The following PRKCB variants were observed in gnomAD, a reference collection of about 807,000 sequenced individuals.
The protein encoded by PRKCB is protein kinase C beta type.
A neutral mutation model predicts 81.5 loss-of-function variants in PRKCB; 13 were observed. The ratio of observed to expected loss-of-function variants is 0.16; its 90% confidence interval spans 0.10 to 0.25. The LOEUF is 0.25. PRKCB is among the 10% of genes least tolerant of loss of function. The probability of loss-of-function intolerance (pLI) is 1.00; values close to 1 mark genes in which losing one functional copy is unlikely to be tolerated. For missense variants in PRKCB, 509 were observed against 875.7 expected (o/e 0.58, Z 5.29); for synonymous variants, 335 against 321.4 (o/e 1.04, Z -0.45).
chr16:23,848,756 G>A (rs552372966), intron 2 of PRKCB, among the ~76,000 whole-genome samples: 2 of 152,222 alleles, frequency 1.3e-5, no homozygotes, highest in East Asian at 1.9e-4. Context: ...TAACCTCTTC[G>A]AGCTTCTGTT....
intron 2 of PRKCB, among the ~76,000 whole-genome samples, chr16:23,967,186 G>T (rs982667768): frequency 2.0e-5 from 3 of 152,158 alleles, no homozygotes; most frequent in African/African-American, 7.2e-5. Flanking sequence ...TCCCTCTCCT[G>T]CGTGGAGGTT....
At chr16:23,961,550 G>A (rs1289560577) in intron 2 of PRKCB, among the ~76,000 whole-genome samples, 1 of 152,176 alleles carries the variant, frequency 6.6e-6, no homozygotes, top group Non-Finnish European at 1.5e-5. Context: ...TTTCCTTAGA[G>A]TCCCACTGTA....
chr16:23,920,676 A>C (rs1049494449), intron 2 of PRKCB, among the ~76,000 whole-genome samples: 1 of 151,942 alleles, frequency 6.6e-6, no homozygotes, highest in African/African-American at 2.4e-5. Flanking sequence ...TCTTGGGGAG[A>C]AGAGTGGGTG....
chr16:24,156,513 G>C (rs1479638925), intron 10 of PRKCB, among the ~76,000 whole-genome samples: 3 of 152,240 alleles, frequency 2.0e-5, no homozygotes, highest in East Asian at 1.9e-4. Context: ...GGACTCAAGT[G>C]ATTCACCTGC....
At chr16:24,149,071 G>T (rs948560456) in intron 9 of PRKCB, among the ~76,000 whole-genome samples, 7 of 152,204 alleles carry the variant, frequency 4.6e-5, no homozygotes, top group Admixed American at 2.6e-4. Context: ...ACCTGGGGCT[G>T]CCTGGTCATC....
chr16:24,220,303 A>G lies in PRKCB; in HGVS notation c.*5487A>G. ...CTACATTTGAAAATGTTTAGTTTAG[A>G]ATAAGCGCATTATCCAATTATAGAG... On this transcript the variant is annotated 3_prime_UTR_variant, in exon 17 of 17. Coordinates refer to ENST00000643927, the MANE Select transcript of PRKCB (RefSeq NM_002738.7). The G allele has an allele frequency of 1.6e-6, 1 of 640,406 alleles. No homozygotes were observed. The highest frequency in any genetic ancestry group is 2.5e-6 in the Non-Finnish European group (1 of 400,534). 39.7% of individuals were successfully genotyped at this position (640,406 alleles called of 1,614,324 possible).
At chr16:23,947,218 C>A (rs1427074562) in intron 2 of PRKCB, among the ~76,000 whole-genome samples, 1 of 152,202 alleles carries the variant, frequency 6.6e-6, no homozygotes. Context: ...TGGGGTCCTG[C>A]AGCTTCAACT....
At position 24,023,569 on chromosome 16, in the gene PRKCB, C is replaced by T. The variant is rs193234902; in HGVS notation, c.289-8567C>T. ...ATTTTTAGTAGAGACGGGGTTTCAC[C>T]GTGTTAGCCAGGATGGTCTTGATCT... On this transcript the variant is annotated intron_variant, in intron 3 of 16. Coordinates refer to ENST00000643927, the MANE Select transcript of PRKCB (RefSeq NM_002738.7). 5.7e-3 allele frequency among the ~76,000 whole-genome samples: 863 copies of T among 152,130 alleles called. 8 individuals are homozygous for T. Among genetic ancestry groups the T allele is most frequent in the South Asian group, 0.02 (94 of 4,806 alleles).
chr16:24,201,926 C>T (rs1238330481), intron 16 of PRKCB, among the ~76,000 whole-genome samples: 1 of 151,852 alleles, frequency 6.6e-6, no homozygotes, highest in Non-Finnish European at 1.5e-5. Context: ...GTCCCAGCTA[C>T]TCGGGAGGCT....
chr16:24,031,699 G>C (rs1240198619), intron 3 of PRKCB, among the ~76,000 whole-genome samples: 3 of 152,240 alleles, frequency 2.0e-5, no homozygotes, highest in Non-Finnish European at 4.4e-5. Flanking sequence ...TAAGCAGGGA[G>C]ATTTCACATC....
chr16:24,020,988 C>CTTTCTTTCTTTCTTTCT (rs1567346616), intron 3 of PRKCB, among the ~76,000 whole-genome samples: 1 of 121,066 alleles, frequency 8.3e-6, no homozygotes, highest in East Asian at 2.7e-4. Flanking sequence ...TTCTTTCTTT[C>CTTTCTTTCTTTCTTTCT]TTTCTTTCTT....
chr16:24,195,031 C>G (rs1567409081), intron 16 of PRKCB, among the ~76,000 whole-genome samples: 1 of 152,046 alleles, frequency 6.6e-6, no homozygotes, highest in Non-Finnish European at 1.5e-5. Context: ...TGGCAAAACC[C>G]CGTCTCTACA....
intron 2 of PRKCB, among the ~76,000 whole-genome samples, chr16:23,968,125 T>C (rs1964512256): frequency 6.6e-6 from 1 of 152,222 alleles, no homozygotes; most frequent in Non-Finnish European, 1.5e-5. Flanking sequence ...AGTTTGTGCC[T>C]TCTGCTCTGA....
At chr16:23,913,848 C>T (rs1963697949) in intron 2 of PRKCB, among the ~76,000 whole-genome samples, 1 of 152,198 alleles carries the variant, frequency 6.6e-6, no homozygotes, top group Non-Finnish European at 1.5e-5. Flanking sequence ...ACTTGGCTCC[C>T]TCCCTCCAGG....
chr16:24,034,081 T>C (rs187009942), intron 4 of PRKCB, among the ~76,000 whole-genome samples: 122 of 152,170 alleles, frequency 8.0e-4, no homozygotes, highest in African/African-American at 2.9e-3. Flanking sequence ...CACAGAAACA[T>C]GGCAAGAGCC....
intron 9 of PRKCB, among the ~76,000 whole-genome samples, chr16:24,129,307 G>T (rs934923750): frequency 6.6e-6 from 1 of 152,140 alleles, no homozygotes; most frequent in Non-Finnish European, 1.5e-5. Context: ...GGATCAGGGG[G>T]TTAGAAAGGA....
intron 3 of PRKCB, among the ~76,000 whole-genome samples, chr16:24,023,236 G>A (rs1216950958): frequency 2.0e-5 from 3 of 152,318 alleles, no homozygotes; most frequent in Non-Finnish European, 2.9e-5. Context: ...CTTTGAATGC[G>A]ATCAGAACCA....
chr16:24,022,754 A>G (rs1965423077), intron 3 of PRKCB, among the ~76,000 whole-genome samples: 1 of 152,174 alleles, frequency 6.6e-6, no homozygotes, highest in Admixed American at 6.5e-5. Context: ...CGGACTCCCA[A>G]AGTGCTGGGA....
At chr16:24,015,043 C>T (rs149251472) in intron 3 of PRKCB, among the ~76,000 whole-genome samples, 3 of 152,240 alleles carry the variant, frequency 2.0e-5, no homozygotes, top group African/African-American at 7.2e-5. Flanking sequence ...TCAAGTGATC[C>T]GCCCGCCTTG....
Sources: gnomAD v4.1 joint callset for allele counts (sites outside exome capture counted in the v4.1 genomes callset) on GRCh38, gnomAD v4.1.1 for gene constraint, MANE v1.5 for transcripts, NCBI Gene and HGNC (gene_info 2026-07-23, HGNC 2026-07-21) for gene names.